The following SLC24A1 variants were observed in gnomAD, a reference collection of about 807,000 sequenced individuals.
SLC24A1 encodes the protein solute carrier family 24 member 1.
In SLC24A1, 52 loss-of-function variants were observed where a neutral mutation model predicts 88.1. The observed-to-expected ratio is 0.59, with a 90% CI of 0.47 to 0.74. SLC24A1 has a LOEUF of 0.74. Ranked by LOEUF, SLC24A1 falls within the 30% of genes least tolerant of loss-of-function variation. The pLI, the probability that SLC24A1 is intolerant of heterozygous loss-of-function variation, is 0.00. For synonymous variants in SLC24A1, 455 were observed against 498.0 expected (o/e 0.91, Z 1.15); for missense variants, 1,173 against 1,363.3 (o/e 0.86, Z 2.20).
At chr15:65,617,176 C>T (rs1488047388), upstream of SLC24A1, among the ~76,000 whole-genome samples, 2 of 152,122 alleles carry the variant, frequency 1.3e-5, no homozygotes, top group African/African-American at 4.8e-5. Flanking sequence ...CAGCTTTGTT[C>T]TTTTTGCTTA....
upstream of SLC24A1, chr15:65,618,736 T>C (rs2141408949): frequency 6.6e-6 from 1 of 152,402 alleles, no homozygotes; most frequent in Non-Finnish European, 1.5e-5. Flanking sequence ...CATGCCTTTG[T>C]AAAGTCAGAT....
chr15:65,644,331 GC>G (rs754752261), intron 4 of SLC24A1, 95 bp from the exon 5 acceptor site: 107 of 832,408 alleles, frequency 1.3e-4, no homozygotes, highest in Non-Finnish European at 2.1e-4. Context: ...CTCTGCAGCT[GC>G]CCTCTGGCTG....
chr15:65,645,629 C>G lies in SLC24A1; in HGVS notation c.2158C>G (p.Leu720Val), dbSNP rs371316609. 9 of 1,572,506 alleles carry G rather than the reference C, an allele frequency of 5.7e-6. No homozygotes were observed. The African/African-American group carries it at 1.2e-4, about 21-fold the overall frequency. The change falls in exon 6 of 10, where the codon CTC (leucine) becomes GTC (valine). Residue 720 changes from leucine (L) to valine (V), a missense_variant. By Grantham distance (32) the Leu-to-Val change is conservative. Coordinates refer to ENST00000261892, the MANE Select transcript of SLC24A1 (RefSeq NM_004727.3). ...CTTTAAAGAGGAGGAGCCAGCCAAGCTCCCTGCGGTCACGGTCACACCAGC... is the reference window on the plus strand; with the variant it reads ...CTTTAAAGAGGAGGAGCCAGCCAAGGTCCCTGCGGTCACGGTCACACCAGC... ...SKPEEEEPAK[L>V]PAVTVTPAPV...
In SLC24A1 at chr15:65,654,043, A is replaced by G. The variant is rs929041876; in HGVS notation, c.3264A>G (p.Leu1088=). ...TATTCCTGATAATCAGTGTGATGTT[A>G]GAAGATCGAATCATATCCTGTCCTG... ...YFVFLIISVM[L]EDRIISCPVS... The change falls in exon 10 of 10, where the codon TTA becomes TTG. Residue 1088 remains leucine (L), a synonymous_variant. Coordinates refer to ENST00000261892, the MANE Select transcript of SLC24A1 (RefSeq NM_004727.3). 2 of 1,613,844 alleles carry G rather than the reference A, an allele frequency of 1.2e-6. No individual in the cohort carries two copies. The highest frequency in any genetic ancestry group is 2.7e-5 in the African/African-American group (2 of 74,952).
At chr15:65,621,834 G>C (rs2074328277), upstream of SLC24A1, 1 of 152,212 alleles carries the variant, frequency 6.6e-6, no homozygotes, top group Non-Finnish European at 1.5e-5. Context: ...TCTCAGGCTT[G>C]GTCAGGTGTA....
downstream of SLC24A1, among the ~76,000 whole-genome samples, chr15:65,658,752 T>C (rs2075758018): frequency 6.6e-6 from 1 of 152,234 alleles, no homozygotes; most frequent in African/African-American, 2.4e-5. Context: ...TAAGCATAAC[T>C]TCTAAATAGA....
chr15:65,655,436 G>C lies in SLC24A1; in HGVS notation c.*1357G>C. 1 of 985,366 alleles carries C rather than the reference G, an allele frequency of 1.0e-6. No individual in the cohort carries two copies. The highest frequency in any genetic ancestry group is 1.2e-6 in the Non-Finnish European group (1 of 829,870). 61.0% of individuals were successfully genotyped at this position (985,366 alleles called of 1,614,324 possible). A position where few individuals can be genotyped will look rare whatever the true frequency, so the allele number is the denominator to read the frequency against. ...AAAGTGCAGTACTACTTCCAAGGTA[G>C]CTAGTGTAAAGGACACTTGAGTTTT... On this transcript the variant is annotated 3_prime_UTR_variant, in exon 10 of 10. Transcript: ENST00000261892.
In SLC24A1 at chr15:65,624,280, T is replaced by C. The variant is rs1025599373; in HGVS notation, c.200T>C (p.Leu67Pro). Residue 67 changes from leucine (L) to proline (P), a missense_variant, in exon 2 of 10, where the codon CTC becomes CCC. Transcript: ENST00000261892. ...HQPIKLASRD[L>P]SSEEMMMMSS... Reference sequence around the variant, plus strand: ...CCTATAAAACTGGCCAGTCGGGACCTCTCCAGTGAAGAGATGATGATGATG... The same window carrying C: ...CCTATAAAACTGGCCAGTCGGGACCCCTCCAGTGAAGAGATGATGATGATG... 3.1e-6 allele frequency: 5 copies of C among 1,613,616 alleles called. No individual in the cohort carries two copies. Among genetic ancestry groups the C allele is most frequent in the African/African-American group, 1.3e-5 (1 of 74,800 alleles).
Position 65,654,239 on chromosome 15 carries a change from T to C in SLC24A1, c.*160T>C. On this transcript the variant is annotated 3_prime_UTR_variant, in exon 10 of 10. Transcript: ENST00000261892. Reference sequence around the variant, plus strand: ...GTGATCTGAGACTAAAGTTTGTCCTTGGAAACACCTGCAGCTCATTGTGGA... The same window carrying C: ...GTGATCTGAGACTAAAGTTTGTCCTCGGAAACACCTGCAGCTCATTGTGGA... 1 of 1,421,062 alleles carries C rather than the reference T, an allele frequency of 7.0e-7. No homozygotes were observed. The highest frequency in any genetic ancestry group is 3.0e-5 in the Admixed American group (1 of 33,554). The allele number at this position is 1,421,062 out of a possible 1,614,324, so 88.0% of individuals were successfully genotyped here.
At chr15:65,651,002 G>T in intron 7 of SLC24A1, 60 bp downstream of exon 7, 2 of 1,413,992 alleles carry the variant, frequency 1.4e-6, no homozygotes, top group Non-Finnish European at 2.0e-6. Context: ...GGGGTCTCTC[G>T]GCATGCGGGG....
chr15:65,652,627 G>T lies in SLC24A1; in HGVS notation c.2884-15G>T. On this transcript the variant is annotated splice_polypyrimidine_tract_variant and intron_variant, in intron 8 of 9. Coordinates refer to ENST00000261892, the MANE Select transcript of SLC24A1 (RefSeq NM_004727.3). ...TCAGGTTTTTCACCTACTGTTGACC[G>T]TTGCCGTTTACCAGGTTGGTGAAAC... The T allele has an allele frequency of 6.2e-7, 1 of 1,612,884 alleles. No homozygotes were observed. The highest frequency in any genetic ancestry group is 8.5e-7 in the Non-Finnish European group (1 of 1,179,268).
At chr15:65,657,367 C>A (rs188924034), downstream of SLC24A1, among the ~76,000 whole-genome samples, 130 of 152,150 alleles carry the variant, frequency 8.5e-4, no homozygotes, top group Non-Finnish European at 1.2e-3. Flanking sequence ...AAGGGCCGGG[C>A]GCGGTGGCTC....
At position 65,655,278 on chromosome 15, in the gene SLC24A1, T is replaced by C. The variant is rs114414983; in HGVS notation, c.*1199T>C. ...TAAAGTAAGAGATCCAGTGGGACAA[T>C]GCTATTTTTGTATGCCAACCTAGAT... On this transcript the variant is annotated 3_prime_UTR_variant, in exon 10 of 10. Coordinates refer to ENST00000261892, the MANE Select transcript of SLC24A1 (RefSeq NM_004727.3). 2.3e-3 allele frequency: 2,233 copies of C among 985,602 alleles called. 28 individuals are homozygous for C. The African/African-American group carries it at 0.036, about 16-fold the overall frequency. 61.1% of individuals were successfully genotyped at this position (985,602 alleles called of 1,614,324 possible).
At chr15:65,629,328 GA>G (rs1475040227) in intron 2 of SLC24A1, among the ~76,000 whole-genome samples, 1 of 151,804 alleles carries the variant, frequency 6.6e-6, no homozygotes, top group Non-Finnish European at 1.5e-5. Flanking sequence ...AATATTTCCA[GA>G]AAAAAATAAA....
rs777989874 is a variant in SLC24A1, at chr15:65,624,833, AAT to A, written c.754_755del (p.Met252ValfsTer2). The A allele has an allele frequency of 1.8e-4, 284 of 1,613,908 alleles. No individual in the cohort carries two copies. The highest frequency in any genetic ancestry group is 2.3e-4 in the Non-Finnish European group (274 of 1,179,898). ...AAACCACCCCAACCACTCTCAAGGG[AAT>A]GTTTGATAGCACCCCAACTTTTCTG... is the stretch of plus-strand genomic sequence containing the variant. ...EETTPTTLKG[M>X]FDSTPTFLTH... is the part of the protein sequence containing the mutation. On this transcript the variant is annotated frameshift_variant, in exon 2 of 10. Transcript: ENST00000261892. LOFTEE classifies it high-confidence loss of function.
Position 65,624,076 on chromosome 15 carries a change from C to G in SLC24A1, c.-5C>G. On this transcript the variant is annotated 5_prime_UTR_variant, in exon 2 of 10. Transcript: ENST00000261892. ...GCCTTCTGTAACCAGATATAACTGG[C>G]CAGCATGGGGAAATTGATCAGGATG... is the stretch of plus-strand genomic sequence containing the variant. 1 of 1,571,424 alleles carries G rather than the reference C, an allele frequency of 6.4e-7. No homozygotes were observed. Among genetic ancestry groups the G allele is most frequent in the Non-Finnish European group, 8.6e-7 (1 of 1,161,476 alleles).
At chr15:65,612,521 G>A (rs145291607) in intron 1 of SLC24A1, 1 of 152,410 alleles carries the variant, frequency 6.6e-6, no homozygotes, top group East Asian at 1.9e-4. Flanking sequence ...GGGCCCTGCA[G>A]ACTGCCCTAT....
Position 65,624,418 on chromosome 15 carries a change from G to T in SLC24A1, c.338G>T (p.Ser113Ile). ...AGCATGACAGTGGAGAATATCCCCA[G>T]TATGCCTAAAAGAACAGCCAAGATG... is the stretch of plus-strand genomic sequence containing the variant. ...TLSMTVENIP[S>I]MPKRTAKMIP... The change falls in exon 2 of 10, where the codon AGT becomes ATT. Residue 113 changes from serine to isoleucine, a missense_variant. Physicochemically the swap from Ser to Ile is moderately radical, Grantham distance 142. Coordinates refer to ENST00000261892, the MANE Select transcript of SLC24A1 (RefSeq NM_004727.3). 2 of 1,613,230 alleles carry T rather than the reference G, an allele frequency of 1.2e-6. No homozygotes were observed. The highest frequency in any genetic ancestry group is 1.7e-6 in the Non-Finnish European group (2 of 1,179,564).
chr15:65,655,013 T>C lies in SLC24A1; in HGVS notation c.*934T>C, dbSNP rs1008550911. 3 of 1,046,876 alleles carry C rather than the reference T, an allele frequency of 2.9e-6. No individual in the cohort carries two copies. The African/African-American group carries it at 5.2e-5, about 18-fold the overall frequency. The allele number at this position is 1,046,876 out of a possible 1,614,324, so 64.8% of individuals were successfully genotyped here. On this transcript the variant is annotated 3_prime_UTR_variant, in exon 10 of 10. Coordinates refer to ENST00000261892, the MANE Select transcript of SLC24A1 (RefSeq NM_004727.3). The stretch of plus-strand genomic sequence containing the variant: ...TAAAAATTTATAATTTGCCCTTGAA[T>C]TGGAAGGAATGGAGATTAGGGAAGG...
Sources: gnomAD v4.1 joint callset for allele counts (sites outside exome capture counted in the v4.1 genomes callset) on GRCh38, gnomAD v4.1.1 for gene constraint, MANE v1.5 for transcripts, NCBI Gene and HGNC (gene_info 2026-07-23, HGNC 2026-07-21) for gene names.